Variants in PDE1A observed in about 807,000 individuals in gnomAD.
PDE1A encodes the protein phosphodiesterase 1A.
In PDE1A, 35 loss-of-function variants were observed where a neutral mutation model predicts 61.7. The ratio of observed to expected loss-of-function variants is 0.57; its 90% confidence interval spans 0.43 to 0.75. The LOEUF is 0.75. Ranked by LOEUF, PDE1A falls within the 30% of genes least tolerant of loss-of-function variation. PDE1A has a pLI of 0.00. For missense variants in PDE1A, 597 were observed against 630.6 expected, an observed-to-expected ratio of 0.95 and a Z score of 0.57; for synonymous variants, 232 against 213.2, an observed-to-expected ratio of 1.09 and a Z score of -0.77.
At chr2:182,524,274 T>C (rs1052112164), upstream of PDE1A, among the ~76,000 whole-genome samples, 2 of 152,194 alleles carry the variant, frequency 1.3e-5, no homozygotes, top group African/African-American at 4.8e-5. Context: ...AAAATCTCCA[T>C]AGATAGCAAG....
At chr2:182,324,527 T>G (rs1308651118) in intron 1 of PDE1A, among the ~76,000 whole-genome samples, 1 of 152,142 alleles carries the variant, frequency 6.6e-6, no homozygotes, top group South Asian at 2.1e-4. Flanking sequence ...ACCTTCTATG[T>G]AATCTTAAAT....
At chr2:182,425,736 T>C (rs1703577708) in intron 1 of PDE1A, among the ~76,000 whole-genome samples, 1 of 152,200 alleles carries the variant, frequency 6.6e-6, no homozygotes, top group African/African-American at 2.4e-5. Flanking sequence ...CAACTTGACC[T>C]TAACATTGCT....
chr2:182,255,778 C>T (rs1559259271), intron 2 of PDE1A, among the ~76,000 whole-genome samples: 1 of 151,814 alleles, frequency 6.6e-6, no homozygotes, highest in Non-Finnish European at 1.5e-5. Flanking sequence ...CTGCCTCACC[C>T]TCCCAAGTAG....
intron 7 of PDE1A, among the ~76,000 whole-genome samples, 159 bp downstream of exon 7, chr2:182,223,705 A>C (rs1361970546): frequency 6.6e-6 from 1 of 152,036 alleles, no homozygotes; most frequent in African/African-American, 2.4e-5. Flanking sequence ...ATAGTAGTTA[A>C]TTGATTCAAT....
chr2:182,391,449 T>C (rs1051184006), intron 1 of PDE1A, among the ~76,000 whole-genome samples: 1 of 152,178 alleles, frequency 6.6e-6, no homozygotes, highest in African/African-American at 2.4e-5. Flanking sequence ...TCCAAAGGCT[T>C]AGGGAGATTG....
chr2:182,221,178 C>T (rs537981630), intron 7 of PDE1A, among the ~76,000 whole-genome samples: 7 of 152,084 alleles, frequency 4.6e-5, no homozygotes, highest in South Asian at 2.1e-4. Context: ...ACTCTTCATC[C>T]ACTTGCAGAT....
intron 2 of PDE1A, among the ~76,000 whole-genome samples, chr2:182,257,996 T>A (rs541808894): frequency 3.9e-5 from 6 of 152,130 alleles, no homozygotes; most frequent in African/African-American, 1.4e-4. Context: ...TGAAACCCCA[T>A]CTCTAGTAAA....
chr2:182,206,009 C>G, exon 8 of PDE1A: 2 of 1,612,518 alleles, frequency 1.2e-6, no homozygotes, highest in Non-Finnish European at 1.7e-6. Flanking sequence ...ATAAGCTGCA[C>G]TCACGTGGTG....
intron 2 of PDE1A, among the ~76,000 whole-genome samples, chr2:182,521,904 T>G (rs1377145542): frequency 1.3e-5 from 2 of 152,150 alleles, no homozygotes; most frequent in African/African-American, 2.4e-5. Flanking sequence ...GAAAGAAGTA[T>G]CAGTCTTATT....
At chr2:182,160,726 G>C (rs778098487) in intron 13 of PDE1A, among the ~76,000 whole-genome samples, 1 of 152,084 alleles carries the variant, frequency 6.6e-6, no homozygotes, top group African/African-American at 2.4e-5. Context: ...ATGGCCTATC[G>C]TGGTGAGACT....
chr2:182,264,400 A>G (rs138687873), exon 2 of PDE1A: 1 of 1,612,412 alleles, frequency 6.2e-7, no homozygotes, highest in African/African-American at 1.3e-5. Flanking sequence ...CAGCTGCTTC[A>G]CCAAGCATCT....
chr2:182,192,510 A>C (rs1413299617), intron 10 of PDE1A, among the ~76,000 whole-genome samples: 1 of 152,128 alleles, frequency 6.6e-6, no homozygotes, highest in Admixed American at 6.6e-5. Flanking sequence ...CTGAGTATAG[A>C]TTTGGCCACC....
chr2:182,574,200 C>T, the PDE1A span, among the ~76,000 whole-genome samples: 1 of 151,994 alleles, frequency 6.6e-6, no homozygotes, highest in South Asian at 2.1e-4. Flanking sequence ...TTTCTGCCTG[C>T]TTTATATCCG....
At chr2:182,318,425 G>T (rs1008798417) in intron 1 of PDE1A, among the ~76,000 whole-genome samples, 10 of 152,024 alleles carry the variant, frequency 6.6e-5, no homozygotes, top group Admixed American at 6.6e-4. Context: ...AATGATTCCT[G>T]CCATTTGTCA....
At chr2:182,478,408 A>T (rs991054799) in intron 2 of PDE1A, among the ~76,000 whole-genome samples, 1 of 151,830 alleles carries the variant, frequency 6.6e-6, no homozygotes, top group Non-Finnish European at 1.5e-5. Flanking sequence ...GGAGCACTGC[A>T]TTGAGGACAA....
chr2:182,242,870 C>G (rs1690632761), intron 2 of PDE1A, among the ~76,000 whole-genome samples: 1 of 150,110 alleles, frequency 6.7e-6, no homozygotes, highest in East Asian at 2.0e-4. Context: ...TCTCTCTCCT[C>G]TCTCCTCTCC....
chr2:182,700,750 A>AAAAAAC, the PDE1A span, among the ~76,000 whole-genome samples: 12 of 144,778 alleles, frequency 8.3e-5, no homozygotes, highest in African/African-American at 3.1e-4. Context: ...ACAGAAAGAA[A>AAAAAAC]AGAAAAAGAA....
intron 2 of PDE1A, among the ~76,000 whole-genome samples, chr2:182,256,885 G>A (rs1474276170): frequency 1.1e-4 from 16 of 152,028 alleles, no homozygotes; most frequent in Admixed American, 1.0e-3. Flanking sequence ...TTTTGTACTC[G>A]AGCAAATTCT....
At chr2:182,448,988 T>G (rs927791803) in intron 2 of PDE1A, among the ~76,000 whole-genome samples, 2 of 147,580 alleles carry the variant, frequency 1.4e-5, no homozygotes, top group Non-Finnish European at 3.0e-5. Flanking sequence ...ACGTTTAAAT[T>G]TAAAATAATA....
Sources: allele counts gnomAD v4.1 joint callset (sites outside exome capture counted in the v4.1 genomes callset), GRCh38; gene constraint gnomAD v4.1.1; transcripts MANE v1.5; gene names NCBI Gene and HGNC (gene_info 2026-07-23, HGNC 2026-07-21).